Variants in SUPT16H observed in about 807,000 individuals in gnomAD.
The protein encoded by SUPT16H is FACT complex subunit SPT16.
Under a neutral mutation model 136.2 loss-of-function variants are expected in SUPT16H, and 24 were observed. That is an observed-to-expected ratio of 0.18 (90% CI 0.13 to 0.25). The LOEUF (loss-of-function observed/expected upper bound fraction) is 0.25. SUPT16H is among the 10% of genes least tolerant of loss of function. The pLI is 1.00. For missense variants in SUPT16H, 623 were observed against 1,270.2 expected (o/e 0.49, Z 7.74); for synonymous variants, 415 against 428.2 (o/e 0.97, Z 0.38).
chr14:21,358,103 CAT>C, intron 20 of SUPT16H, 101 bp from the exon 21 acceptor site: 1 of 1,090,748 alleles, frequency 9.2e-7, no homozygotes, highest in African/African-American at 1.6e-5. Context: ...ACAGCTCCAG[CAT>C]ACTCACTGGA....
intron 3 of SUPT16H, among the ~76,000 whole-genome samples, chr14:21,370,836 C>T (rs778951697): frequency 5.3e-5 from 8 of 150,968 alleles, no homozygotes; most frequent in South Asian, 2.1e-4. Flanking sequence ...AGTGCAGCGG[C>T]GCAATCTACA....
intron 21 of SUPT16H, 23 bp downstream of exon 21, chr14:21,357,904 A>G: frequency 6.2e-7 from 1 of 1,603,110 alleles, no homozygotes; most frequent in Non-Finnish European, 8.5e-7. Context: ...TTTTCTTACT[A>G]AAAGAAAGTA....
chr14:21,381,585 T>C (rs1887024930), intron 1 of SUPT16H, among the ~76,000 whole-genome samples: 1 of 150,806 alleles, frequency 6.6e-6, no homozygotes, highest in African/African-American at 2.4e-5. Flanking sequence ...AGATGGAAGC[T>C]GAAAGCAAAA....
At chr14:21,353,463 T>TA (rs1273310417) in intron 25 of SUPT16H, 25 bp downstream of exon 25, 3 of 1,606,730 alleles carry the variant, frequency 1.9e-6, no homozygotes. Context: ...GACAAATGAA[T>TA]AAAAAACAAC....
intron 21 of SUPT16H, 123 bp downstream of exon 21, chr14:21,357,804 C>A: frequency 1.0e-6 from 1 of 977,160 alleles, no homozygotes. Context: ...AACATTTGTT[C>A]AATGAGTTTT....
At chr14:21,355,116 T>A (rs77572838) in intron 22 of SUPT16H, among the ~76,000 whole-genome samples, 3,208 of 152,292 alleles carry the variant, frequency 0.021, 118 homozygotes, top group African/African-American at 0.074. Flanking sequence ...TCCCTCTCTG[T>A]CACTGATTCC....
chr14:21,370,781 A>T (rs892402361), intron 3 of SUPT16H, among the ~76,000 whole-genome samples: 26 of 139,492 alleles, frequency 1.9e-4, no homozygotes, highest in African/African-American at 6.0e-4. Context: ...GCCTGGATAA[A>T]TTTTTTTTTT....
intron 6 of SUPT16H, 117 bp downstream of exon 6, chr14:21,369,087 A>G (rs1886734004): frequency 8.4e-7 from 1 of 1,193,958 alleles, no homozygotes; most frequent in Admixed American, 2.5e-5. Context: ...TGGTAACACT[A>G]TACATTATAT....
intron 1 of SUPT16H, among the ~76,000 whole-genome samples, chr14:21,376,716 G>A (rs190686118): frequency 6.6e-6 from 1 of 152,180 alleles, no homozygotes; most frequent in East Asian, 1.9e-4. Context: ...AAAAAGGCCA[G>A]TTTCACGTAA....
intron 1 of SUPT16H, among the ~76,000 whole-genome samples, chr14:21,378,956 G>C (rs1273332936): frequency 6.6e-6 from 1 of 152,140 alleles, no homozygotes; most frequent in Non-Finnish European, 1.5e-5. Context: ...AAAAGTTGGA[G>C]AAATAGTGCA....
intron 2 of SUPT16H, among the ~76,000 whole-genome samples, chr14:21,373,064 C>T (rs1488652242): frequency 6.6e-6 from 1 of 152,158 alleles, no homozygotes; most frequent in Non-Finnish European, 1.5e-5. Flanking sequence ...CCATCTCAGC[C>T]TCCTGAGTAG....
intron 3 of SUPT16H, among the ~76,000 whole-genome samples, chr14:21,371,634 G>A (rs913285446): frequency 2.0e-5 from 3 of 152,174 alleles, no homozygotes; most frequent in Admixed American, 6.5e-5. Flanking sequence ...GTGTCCTCAA[G>A]AATGGAGACA....
At chr14:21,377,664 C>A (rs1028406021) in intron 1 of SUPT16H, among the ~76,000 whole-genome samples, 1 of 150,822 alleles carries the variant, frequency 6.6e-6, no homozygotes, top group African/African-American at 2.4e-5. Context: ...CACTCTGTTG[C>A]CCAGGTTGGA....
At chr14:21,372,277 T>G (rs761470133) in intron 2 of SUPT16H, 16 of 468,134 alleles carry the variant, frequency 3.4e-5, no homozygotes, top group Non-Finnish European at 4.9e-5. Flanking sequence ...GTTTATATGC[T>G]TGAACTTTCT....
At chr14:21,364,980 T>C (rs969417836) in intron 9 of SUPT16H, 41 bp from the exon 10 acceptor site, 18 of 1,608,746 alleles carry the variant, frequency 1.1e-5, no homozygotes, top group Non-Finnish European at 1.3e-5. Context: ...GCTGTGACAA[T>C]GTGGAGAGGT....
intron 7 of SUPT16H, among the ~76,000 whole-genome samples, chr14:21,367,227 G>A (rs1348458109): frequency 6.6e-6 from 1 of 152,108 alleles, no homozygotes; most frequent in African/African-American, 2.4e-5. Flanking sequence ...CACCATACCC[G>A]GCCCCGATCC....
chr14:21,367,041 C>A (rs929534664), intron 7 of SUPT16H, among the ~76,000 whole-genome samples: 19 of 152,096 alleles, frequency 1.2e-4, no homozygotes, highest in Non-Finnish European at 2.1e-4. Context: ...CCCGGATTCA[C>A]GCCTTTCTCC....
intron 1 of SUPT16H, among the ~76,000 whole-genome samples, chr14:21,382,735 T>A (rs996053983): frequency 5.9e-5 from 9 of 152,258 alleles, no homozygotes; most frequent in Middle Eastern, 3.4e-3. Context: ...TTAAAAAAAA[T>A]AAAATGTTCA....
intron 18 of SUPT16H, among the ~76,000 whole-genome samples, chr14:21,359,928 C>T (rs1045125587): frequency 1.3e-5 from 2 of 152,188 alleles, no homozygotes; most frequent in Admixed American, 1.3e-4. Flanking sequence ...ACCAAAGGAA[C>T]AAACATGCTT....
Sources: gnomAD v4.1 joint callset for allele counts (sites outside exome capture counted in the v4.1 genomes callset) on GRCh38, gnomAD v4.1.1 for gene constraint, MANE v1.5 for transcripts, NCBI Gene and HGNC (gene_info 2026-07-23, HGNC 2026-07-21) for gene names.